The following DLGAP4 variants were observed in gnomAD, a reference collection of about 807,000 sequenced individuals.
DLGAP4 encodes the protein DLG associated protein 4.
In DLGAP4, 18 loss-of-function variants were observed where a neutral mutation model predicts 86.9. The observed-to-expected ratio is 0.21, with a 90% CI of 0.14 to 0.31. The LOEUF (loss-of-function observed/expected upper bound fraction) is 0.31, where lower values mean the gene tolerates loss of function less well. Among genes scored for constraint, DLGAP4 ranks in the 10% least tolerant of loss-of-function variants. The pLI, the probability that DLGAP4 is intolerant of heterozygous loss-of-function variation, is 1.00. For synonymous variants in DLGAP4, 548 were observed against 574.3 expected, an observed-to-expected ratio of 0.95 and a Z score of 0.65; for missense variants, 1,085 against 1,362.6, an observed-to-expected ratio of 0.80 and a Z score of 3.21.
chr20:36,498,915 G>A (rs913632070), intron 8 of DLGAP4: 1 of 292,032 alleles, frequency 3.4e-6, no homozygotes, highest in African/African-American at 2.2e-5. Context: ...TTTCCACTTG[G>A]CCCTGACCCC....
rs1273253113 is a variant in DLGAP4, at chr20:36,505,352, AT to A, written c.2512+4748del. On this transcript the variant is annotated intron_variant, in intron 10 of 12. Coordinates refer to ENST00000339266, the MANE Select transcript of DLGAP4 (RefSeq NM_001365621.2). ...CCTTTTGTTGCTTGTGTCTCCACTT[AT>A]TTTTTTAAATTATGAGCATATATTA... Among the ~76,000 whole-genome samples the A allele has an allele frequency of 9.2e-5, 14 of 152,148 alleles. 1 individual carries two copies. Among genetic ancestry groups the A allele is most frequent in the Admixed American group, 7.2e-4 (11 of 15,274 alleles).
chr20:36,395,767 G>A (rs1250383461), intron 2 of DLGAP4, among the ~76,000 whole-genome samples: 1 of 152,074 alleles, frequency 6.6e-6, no homozygotes, highest in Non-Finnish European at 1.5e-5. Context: ...CCAAAGTCCC[G>A]GACCTGGCCA....
At chr20:36,502,298 G>A (rs746309674) in intron 10 of DLGAP4, among the ~76,000 whole-genome samples, 9 of 152,050 alleles carry the variant, frequency 5.9e-5, no homozygotes, top group Admixed American at 2.6e-4. Flanking sequence ...TTCCTAAAAC[G>A]AATTGTTTGC....
Position 36,496,877 on chromosome 20 carries a change from C to T in DLGAP4, c.1821C>T (p.Asn607=), listed in dbSNP as rs146720610. 788 of 1,614,236 alleles carry T rather than the reference C, an allele frequency of 4.9e-4. No individual in the cohort carries two copies. Among genetic ancestry groups the T allele is most frequent in the South Asian group, 6.6e-4 (60 of 91,084 alleles). The part of the protein sequence containing the change: ...SEVTSQSGLS[N]SSDSLDSSTR... Reference sequence around the variant, plus strand: ...TGACTAGCCAGTCGGGCCTGAGCAACTCGTCGGACAGCCTGGACAGCAGTA... The same window carrying T: ...TGACTAGCCAGTCGGGCCTGAGCAATTCGTCGGACAGCCTGGACAGCAGTA... The change falls in exon 8 of 13, where the codon AAC becomes AAT. Residue 607 remains asparagine, a synonymous_variant. Coordinates refer to ENST00000339266, the MANE Select transcript of DLGAP4 (RefSeq NM_001365621.2).
At chr20:36,359,815 C>T (rs1283318307) in intron 1 of DLGAP4, among the ~76,000 whole-genome samples, 1 of 152,128 alleles carries the variant, frequency 6.6e-6, no homozygotes, top group Non-Finnish European at 1.5e-5. Flanking sequence ...GAGCCACTGC[C>T]CAAGCTTCTC....
At chr20:36,368,423 C>T (rs2030780132) in intron 2 of DLGAP4, among the ~76,000 whole-genome samples, 1 of 152,176 alleles carries the variant, frequency 6.6e-6, no homozygotes, top group African/African-American at 2.4e-5. Context: ...TTTCTTTAAC[C>T]CTTGAAGTTC....
chr20:36,504,136 C>T (rs2036262903), intron 10 of DLGAP4, among the ~76,000 whole-genome samples: 1 of 152,116 alleles, frequency 6.6e-6, no homozygotes, highest in Non-Finnish European at 1.5e-5. Flanking sequence ...TTTAAGTGTG[C>T]AATTCAGTGG....
chr20:36,431,595 TC>T lies in DLGAP4; in HGVS notation c.-72-47del. On this transcript the variant is annotated intron_variant, in intron 2 of 12. Coordinates refer to ENST00000339266, the MANE Select transcript of DLGAP4 (RefSeq NM_001365621.2). The surrounding 1 kb of genome is among the most constrained non-coding windows in gnomAD (Gnocchi z 5.1). ...CTGGATCTGACCTTCCCGGCACCCC[TC>T]CCCGACAATCCAGCTGACCAGCTGA... 1 of 1,150,008 alleles carries T rather than the reference TC, an allele frequency of 8.7e-7. No individual in the cohort carries two copies. Among genetic ancestry groups the T allele is most frequent in the Non-Finnish European group, 1.2e-6 (1 of 834,426 alleles). The allele number at this position is 1,150,008 out of a possible 1,614,324, so 71.2% of individuals were successfully genotyped here.
intron 2 of DLGAP4, among the ~76,000 whole-genome samples, chr20:36,422,939 T>G (rs1331303912): frequency 6.6e-5 from 10 of 152,244 alleles, no homozygotes; most frequent in Non-Finnish European, 1.2e-4. Flanking sequence ...GCCTGCCTAT[T>G]TTAAGACCTC....
intron 4 of DLGAP4, among the ~76,000 whole-genome samples, chr20:36,438,201 G>A (rs1029311078): frequency 2.6e-5 from 4 of 151,898 alleles, no homozygotes; most frequent in Non-Finnish European, 4.4e-5. Flanking sequence ...TGGCGAAACC[G>A]CATCTCTACT....
intron 1 of DLGAP4, among the ~76,000 whole-genome samples, chr20:36,357,838 C>G (rs535833920): frequency 6.6e-6 from 1 of 152,170 alleles, no homozygotes; most frequent in Non-Finnish European, 1.5e-5. Context: ...GCAAGTGGGA[C>G]GGGAGGAGAC....
intron 1 of DLGAP4, among the ~76,000 whole-genome samples, chr20:36,325,019 A>T (rs2065203099): frequency 2.0e-5 from 3 of 149,504 alleles, no homozygotes; most frequent in African/African-American, 4.9e-5. Context: ...TTCTTTTTCT[A>T]GTTTTGTTTT....
chr20:36,519,920 A>G (rs1167262794), intron 10 of DLGAP4, among the ~76,000 whole-genome samples: 1 of 151,564 alleles, frequency 6.6e-6, no homozygotes, highest in East Asian at 1.9e-4. Flanking sequence ...CCTCCTGTGT[A>G]GCTGGGACTA....
intron 2 of DLGAP4, among the ~76,000 whole-genome samples, chr20:36,374,235 G>C (rs1352452845): frequency 6.6e-6 from 1 of 152,096 alleles, no homozygotes; most frequent in Non-Finnish European, 1.5e-5. Flanking sequence ...GTCTTTGGAG[G>C]AGAGGGGAGC....
At chr20:36,349,425 A>G (rs1188697924) in intron 1 of DLGAP4, among the ~76,000 whole-genome samples, 4 of 152,082 alleles carry the variant, frequency 2.6e-5, no homozygotes, top group Non-Finnish European at 5.9e-5. Context: ...CTCCAAAAAA[A>G]AAAAAAAAAG....
chr20:36,327,941 G>A (rs1273371481), intron 1 of DLGAP4, among the ~76,000 whole-genome samples: 6 of 148,072 alleles, frequency 4.1e-5, no homozygotes, highest in African/African-American at 1.5e-4. Flanking sequence ...GCTCACGCCT[G>A]TAATCCCAGC....
chr20:36,338,630 C>T (rs1372004019), intron 1 of DLGAP4, among the ~76,000 whole-genome samples: 3 of 152,178 alleles, frequency 2.0e-5, no homozygotes, highest in Non-Finnish European at 4.4e-5. Flanking sequence ...TATTGAGCAC[C>T]GCCTGTGTGC....
At chr20:36,371,862 G>A (rs924690421) in intron 2 of DLGAP4, among the ~76,000 whole-genome samples, 2 of 152,144 alleles carry the variant, frequency 1.3e-5, no homozygotes, top group East Asian at 1.9e-4. Context: ...CCTGGGAAGT[G>A]GGGGCATGGG....
rs563107328 is a variant in DLGAP4, at chr20:36,341,138, C to A, written c.-303-25907C>A. Among the ~76,000 whole-genome samples, 14 of 152,316 alleles carry A rather than the reference C, an allele frequency of 9.2e-5. No homozygotes were observed. In the South Asian group the frequency reaches 2.9e-3, roughly 32 times the overall value. On this transcript the variant is annotated intron_variant, in intron 1 of 12. Transcript: ENST00000339266. ...CTCCCTGTCTGCACAGCTCTCTGTTCAGGTCCTTAAACCTTTACCAGGCTG... is the reference window on the plus strand; with the variant it reads ...CTCCCTGTCTGCACAGCTCTCTGTTAAGGTCCTTAAACCTTTACCAGGCTG...
Sources: gnomAD v4.1 joint callset for allele counts (sites outside exome capture counted in the v4.1 genomes callset) on GRCh38, gnomAD v4.1.1 for gene constraint, Gnocchi (gnomAD v3.1) non-coding constraint, MANE v1.5 for transcripts, NCBI Gene and HGNC (gene_info 2026-07-23, HGNC 2026-07-21) for gene names.